DCC: variants seen among roughly 807,000 people sequenced by gnomAD.
DCC encodes netrin receptor DCC.
In DCC, 58 loss-of-function variants were observed where a neutral mutation model predicts 172.5. The observed-to-expected ratio is 0.34, with a 90% CI of 0.27 to 0.42. The LOEUF (loss-of-function observed/expected upper bound fraction) is 0.42. DCC is among the 10% of genes least tolerant of loss of function. The pLI is 1.00. For missense variants in DCC, 1,740 were observed against 1,791.0 expected (o/e 0.97, Z 0.51); for synonymous variants, 709 against 644.5 (o/e 1.10, Z -1.52).
intron 17 of DCC, among the ~76,000 whole-genome samples, chr18:53,393,321 T>C (rs572812966): frequency 6.6e-6 from 1 of 152,290 alleles, no homozygotes; most frequent in South Asian, 2.1e-4. Context: ...TTGAAACCAT[T>C]TAAAGACAGT....
intron 1 of DCC, among the ~76,000 whole-genome samples, chr18:52,432,438 C>T (rs1355315941): frequency 6.6e-6 from 1 of 152,122 alleles, no homozygotes; most frequent in Non-Finnish European, 1.5e-5. Flanking sequence ...AAAGGAATGT[C>T]CCTCCTGCTT....
chr18:53,025,656 T>G (rs1046140742), intron 5 of DCC, among the ~76,000 whole-genome samples: 3 of 152,104 alleles, frequency 2.0e-5, no homozygotes, highest in Admixed American at 2.0e-4. Flanking sequence ...GTTATATTTA[T>G]CATGCTTTGC....
chr18:53,261,962 A>G (rs1440158438), intron 12 of DCC, among the ~76,000 whole-genome samples: 1 of 152,192 alleles, frequency 6.6e-6, no homozygotes, highest in African/African-American at 2.4e-5. Context: ...AATAAAAGCC[A>G]TGTCTGTGTC....
At chr18:53,365,964 C>T (rs1599069984) in intron 15 of DCC, among the ~76,000 whole-genome samples, 1 of 152,188 alleles carries the variant, frequency 6.6e-6, no homozygotes, top group South Asian at 2.1e-4. Context: ...AATGTTCTTG[C>T]AGGAGATTCA....
intron 1 of DCC, among the ~76,000 whole-genome samples, chr18:52,581,171 T>TA (rs1343106936): frequency 1.1e-4 from 16 of 151,734 alleles, no homozygotes; most frequent in African/African-American, 3.9e-4. Flanking sequence ...CAAACATCTC[T>TA]TTCTATCTAT....
chr18:52,887,888 C>A (rs948898563), intron 2 of DCC, among the ~76,000 whole-genome samples: 136 of 152,162 alleles, frequency 8.9e-4, no homozygotes, highest in African/African-American at 2.8e-3. Flanking sequence ...AAGTAGGAGA[C>A]CTTTCTTATG....
At chr18:53,195,855 T>C (rs1421649554) in intron 9 of DCC, among the ~76,000 whole-genome samples, 1 of 152,214 alleles carries the variant, frequency 6.6e-6, no homozygotes, top group Non-Finnish European at 1.5e-5. Context: ...GTCCAGATAA[T>C]TTTTAGCCTT....
chr18:53,168,152 G>A (rs2054952655), intron 8 of DCC, among the ~76,000 whole-genome samples: 1 of 152,178 alleles, frequency 6.6e-6, no homozygotes, highest in Non-Finnish European at 1.5e-5. Context: ...GGAAGACGGT[G>A]TAGCGATTCC....
chr18:52,821,921 T>TA (rs781600561), intron 2 of DCC, among the ~76,000 whole-genome samples: 20 of 152,356 alleles, frequency 1.3e-4, no homozygotes, highest in Non-Finnish European at 2.2e-4. Context: ...CACATGAAGT[T>TA]ATAAACACAA....
chr18:53,023,245 G>C (rs1045802171), intron 5 of DCC, among the ~76,000 whole-genome samples: 2 of 150,812 alleles, frequency 1.3e-5, no homozygotes, highest in African/African-American at 4.9e-5. Context: ...ATTCTTCTAA[G>C]AATATACAGT....
intron 12 of DCC, among the ~76,000 whole-genome samples, chr18:53,227,262 A>G (rs899195021): frequency 1.3e-5 from 2 of 151,944 alleles, no homozygotes; most frequent in African/African-American, 4.8e-5. Context: ...AGTATATTTT[A>G]AGATATAACT....
At chr18:53,479,153 G>A (rs1042793061) in intron 25 of DCC, among the ~76,000 whole-genome samples, 2 of 152,140 alleles carry the variant, frequency 1.3e-5, no homozygotes, top group Non-Finnish European at 2.9e-5. Context: ...GAACGGTGGT[G>A]AGAAAAAAGT....
At chr18:53,175,632 A>G (rs2055080359) in intron 8 of DCC, among the ~76,000 whole-genome samples, 1 of 151,736 alleles carries the variant, frequency 6.6e-6, no homozygotes, top group South Asian at 2.1e-4. Flanking sequence ...GATGTGAAGG[A>G]CCTCTTCAAG....
chr18:52,842,329 C>T (rs1468741234), intron 2 of DCC, among the ~76,000 whole-genome samples: 3 of 152,162 alleles, frequency 2.0e-5, no homozygotes, highest in Admixed American at 6.5e-5. Context: ...TCCCATGACA[C>T]ACTGTCTTCA....
At chr18:53,121,119 A>G (rs2043477715) in intron 7 of DCC, among the ~76,000 whole-genome samples, 2 of 151,936 alleles carry the variant, frequency 1.3e-5, no homozygotes, top group South Asian at 4.1e-4. Context: ...CCATAAAGCC[A>G]TCATCCAACA....
At chr18:53,030,186 A>G (rs2042008957) in intron 5 of DCC, among the ~76,000 whole-genome samples, 1 of 152,226 alleles carries the variant, frequency 6.6e-6, no homozygotes, top group Non-Finnish European at 1.5e-5. Context: ...GCTTTCAGCC[A>G]ATTATTATCC....
chr18:53,519,183 T>C (rs1256073136), intron 27 of DCC, among the ~76,000 whole-genome samples: 1 of 152,092 alleles, frequency 6.6e-6, no homozygotes, highest in African/African-American at 2.4e-5. Context: ...AAAAATTAAA[T>C]TTCTTACATT....
intron 2 of DCC, among the ~76,000 whole-genome samples, chr18:52,763,674 A>T (rs2037198022): frequency 6.6e-6 from 1 of 152,220 alleles, no homozygotes; most frequent in Non-Finnish European, 1.5e-5. Context: ...TAATCCAGTC[A>T]CTATTAGAAT....
At chr18:53,183,184 T>A (rs1335091856) in intron 9 of DCC, among the ~76,000 whole-genome samples, 1 of 152,144 alleles carries the variant, frequency 6.6e-6, no homozygotes, top group African/African-American at 2.4e-5. Context: ...GGAAAATATG[T>A]CTGAAATATA....
Sources: gnomAD v4.1 joint callset for allele counts (sites outside exome capture counted in the v4.1 genomes callset) on GRCh38, gnomAD v4.1.1 for gene constraint, MANE v1.5 for transcripts, NCBI Gene and HGNC (gene_info 2026-07-23, HGNC 2026-07-21) for gene names.